Variants in RRM2B observed in about 807,000 individuals in gnomAD.
RRM2B encodes the protein ribonucleoside-diphosphate reductase subunit M2 B.
Under a neutral mutation model 45.9 loss-of-function variants are expected in RRM2B, and 20 were observed. That is an observed-to-expected ratio of 0.44 (90% CI 0.31 to 0.63). The LOEUF (loss-of-function observed/expected upper bound fraction) is 0.63. Ranked by LOEUF, RRM2B falls within the 30% of genes least tolerant of loss-of-function variation. The pLI, the probability that RRM2B is intolerant of heterozygous loss-of-function variation, is 0.09. For synonymous variants in RRM2B, 124 were observed against 132.3 expected (o/e 0.94, Z 0.43); for missense variants, 320 against 414.7 (o/e 0.77, Z 1.98).
At chr8:102,224,179 T>C in intron 4 of RRM2B, 39 bp from the exon 5 acceptor site, 1 of 1,390,430 alleles carries the variant, frequency 7.2e-7, no homozygotes, top group Non-Finnish European at 1.0e-6. Flanking sequence ...GTTATTCACT[T>C]GTTTTTCTTT....
At chr8:102,208,619 T>C in intron 8 of RRM2B, among the ~76,000 whole-genome samples, 1 of 152,218 alleles carries the variant, frequency 6.6e-6, no homozygotes, top group Middle Eastern at 3.2e-3. Context: ...ACCATGAGCA[T>C]TTTTCATAGA....
chr8:102,227,159 T>C (rs879671751), intron 2 of RRM2B, among the ~76,000 whole-genome samples: 7 of 141,028 alleles, frequency 5.0e-5, no homozygotes, highest in African/African-American at 9.9e-5. Flanking sequence ...ACAACCCAGT[T>C]TTTTTTTTAA....
At chr8:102,218,283 T>C (rs985367491) in intron 6 of RRM2B, among the ~76,000 whole-genome samples, 3 of 152,092 alleles carry the variant, frequency 2.0e-5, no homozygotes, top group African/African-American at 4.8e-5. Flanking sequence ...AGGAGGACAC[T>C]GATATTAAGA....
At chr8:102,223,734 T>G (rs1810875094) in intron 5 of RRM2B, among the ~76,000 whole-genome samples, 1 of 151,480 alleles carries the variant, frequency 6.6e-6, no homozygotes, top group Non-Finnish European at 1.5e-5. Flanking sequence ...AAAATAAACT[T>G]AAAAGCCAGA....
At chr8:102,216,630 C>T (rs1311815366) in intron 6 of RRM2B, among the ~76,000 whole-genome samples, 1 of 151,936 alleles carries the variant, frequency 6.6e-6, no homozygotes, top group Non-Finnish European at 1.5e-5. Context: ...AAGAAATAAC[C>T]TTAAAATAGT....
chr8:102,231,099 G>C (rs139916306), intron 2 of RRM2B, among the ~76,000 whole-genome samples: 237 of 152,170 alleles, frequency 1.6e-3, no homozygotes, highest in African/African-American at 5.4e-3. Context: ...AACATATACA[G>C]AACAAGAGTG....
chr8:102,208,052 C>T lies in RRM2B; in HGVS notation c.*81G>A, dbSNP rs1810573178. ...AACCCCCAGTCCTTTAAAGGATATA[C>T]TTAAAATTTTTTTTAAGCAGAGGAA... On this transcript the variant is annotated 3_prime_UTR_variant, in exon 9 of 9. Coordinates refer to ENST00000251810, the MANE Select transcript of RRM2B (RefSeq NM_015713.5). 4 of 1,233,436 alleles carry T rather than the reference C, an allele frequency of 3.2e-6. No homozygotes were observed. The South Asian group carries it at 3.9e-5, about 12-fold the overall frequency. The allele number at this position is 1,233,436 out of a possible 1,614,324, so 76.4% of individuals were successfully genotyped here.
chr8:102,217,330 A>G (rs1810747305), intron 6 of RRM2B, among the ~76,000 whole-genome samples: 1 of 152,140 alleles, frequency 6.6e-6, no homozygotes, highest in South Asian at 2.1e-4. Flanking sequence ...CAGTAAATGT[A>G]GTTCTCTCTG....
chr8:102,231,874 A>C (rs1811035402), intron 2 of RRM2B, among the ~76,000 whole-genome samples: 1 of 151,620 alleles, frequency 6.6e-6, no homozygotes, highest in Admixed American at 6.6e-5. Flanking sequence ...GTCTCAAAAA[A>C]AAAAAAAAAA....
At chr8:102,211,022 G>A (rs112315153) in intron 8 of RRM2B, among the ~76,000 whole-genome samples, 10 of 151,774 alleles carry the variant, frequency 6.6e-5, no homozygotes, top group African/African-American at 2.4e-4. Flanking sequence ...GAGAGAGAGA[G>A]AGCGAGAGAG....
At position 102,227,831 on chromosome 8, in the gene RRM2B, A is replaced by G. The variant is rs571403063; in HGVS notation, c.205-1797T>C. Among the ~76,000 whole-genome samples, 3 of 152,060 alleles carry G rather than the reference A, an allele frequency of 2.0e-5. No individual in the cohort carries two copies. In the South Asian group the frequency reaches 6.3e-4, roughly 32 times the overall value. On this transcript the variant is annotated intron_variant, in intron 2 of 8. Coordinates refer to ENST00000251810, the MANE Select transcript of RRM2B (RefSeq NM_015713.5). ...ATCCTGACATAGCAGAGAGAGAGAG[A>G]TCATATCTCTCATGTCTCTTAAGGG...
At chr8:102,217,611 T>C (rs975800608) in intron 6 of RRM2B, among the ~76,000 whole-genome samples, 3 of 152,014 alleles carry the variant, frequency 2.0e-5, no homozygotes, top group Admixed American at 6.6e-5. Flanking sequence ...AGCCAAAACA[T>C]TGAGAACAGA....
intron 5 of RRM2B, 90 bp from the exon 6 acceptor site, chr8:102,219,037 A>G: frequency 6.6e-6 from 9 of 1,357,800 alleles, no homozygotes; most frequent in Non-Finnish European, 8.3e-6. Context: ...AAATACCACA[A>G]CTGTTTGCAA....
At chr8:102,224,480 T>A (rs1810892143) in intron 4 of RRM2B, among the ~76,000 whole-genome samples, 1 of 152,212 alleles carries the variant, frequency 6.6e-6, no homozygotes, top group African/African-American at 2.4e-5. Flanking sequence ...TGGCCTCACT[T>A]GTTTTTCTTA....
intron 1 of RRM2B, among the ~76,000 whole-genome samples, chr8:102,236,463 T>C (rs115474232): frequency 7.7e-4 from 117 of 152,208 alleles, no homozygotes; most frequent in African/African-American, 2.7e-3. Context: ...ATTTCAAAGA[T>C]GGAAATGAGG....
At chr8:102,235,260 G>A (rs1459902142) in intron 1 of RRM2B, among the ~76,000 whole-genome samples, 1 of 152,202 alleles carries the variant, frequency 6.6e-6, no homozygotes, top group African/African-American at 2.4e-5. Flanking sequence ...ATATTCAGAA[G>A]TAGAATGAAT....
At position 102,224,040 on chromosome 8, in the gene RRM2B, A is replaced by G; in HGVS notation, c.550+6T>C. The G allele has an allele frequency of 6.3e-7, 1 of 1,598,882 alleles. No individual in the cohort carries two copies. The highest frequency in any genetic ancestry group is 8.6e-7 in the Non-Finnish European group (1 of 1,166,332). On this transcript the variant is annotated splice_donor_region_variant and intron_variant, in intron 5 of 8. Transcript: ENST00000251810. ...ATCTGATCATACATAAATTAGAGCC[A>G]CATACCAAAAGTAGATTTTCTATCT...
chr8:102,229,984 C>T (rs7835289), intron 2 of RRM2B, among the ~76,000 whole-genome samples: 46 of 152,262 alleles, frequency 3.0e-4, no homozygotes, highest in African/African-American at 9.6e-4. Context: ...CAAAGGTCTT[C>T]TAAATTTTAT....
Position 102,235,304 on chromosome 8 carries a change from G to A in RRM2B, c.49-3000C>T, listed in dbSNP as rs112611656. On this transcript the variant is annotated intron_variant, in intron 1 of 8. Transcript: ENST00000251810. ...CTAAAAATTTGAATTTGGGACAAGGGGCAAGAACAGTTAAAGATGCCCTTG... is the reference window on the plus strand; with the variant it reads ...CTAAAAATTTGAATTTGGGACAAGGAGCAAGAACAGTTAAAGATGCCCTTG... Among the ~76,000 whole-genome samples the A allele has an allele frequency of 2.0e-3, 299 of 152,256 alleles. 1 individual carries two copies. Among genetic ancestry groups the A allele is most frequent in the African/African-American group, 6.8e-3 (281 of 41,550 alleles).
Sources: allele counts gnomAD v4.1 joint callset (sites outside exome capture counted in the v4.1 genomes callset), GRCh38; gene constraint gnomAD v4.1.1; transcripts MANE v1.5; gene names NCBI Gene and HGNC (gene_info 2026-07-23, HGNC 2026-07-21).